ATE1: variants seen among roughly 807,000 people sequenced by gnomAD.
ATE1 encodes arginyl-tRNA--protein transferase 1.
ATE1 carries 36 observed loss-of-function variants against 70.5 expected under a neutral mutation model. The observed-to-expected ratio is 0.51, with a 90% CI of 0.39 to 0.67. The LOEUF (loss-of-function observed/expected upper bound fraction) is 0.67. Among genes scored for constraint, ATE1 ranks in the 30% least tolerant of loss-of-function variants. The pLI is 0.00. For synonymous variants in ATE1, 232 were observed against 219.3 expected, an observed-to-expected ratio of 1.06 and a Z score of -0.51; for missense variants, 593 against 629.5, an observed-to-expected ratio of 0.94 and a Z score of 0.62.
chr10:121,874,689 A>G (rs1949974740), intron 7 of ATE1, among the ~76,000 whole-genome samples: 1 of 152,212 alleles, frequency 6.6e-6, no homozygotes, highest in African/African-American at 2.4e-5. Context: ...CACCTTAGAC[A>G]TTAAGATTCA....
intron 11 of ATE1, among the ~76,000 whole-genome samples, chr10:121,766,356 G>A (rs992567095): frequency 3.9e-5 from 6 of 152,078 alleles, no homozygotes; most frequent in African/African-American, 1.4e-4. Context: ...TCCACTCCAG[G>A]AAGATGAGGG....
chr10:121,787,035 T>C (rs1470327300), intron 11 of ATE1, among the ~76,000 whole-genome samples: 1 of 152,196 alleles, frequency 6.6e-6, no homozygotes, highest in East Asian at 1.9e-4. Context: ...TTCTTTAGAA[T>C]TTTCCAAGTT....
intron 8 of ATE1, among the ~76,000 whole-genome samples, chr10:121,855,904 G>A (rs1388390072): frequency 6.6e-6 from 1 of 150,918 alleles, no homozygotes; most frequent in African/African-American, 2.4e-5. Flanking sequence ...GTGAAACCCT[G>A]GTCTCTACTA....
At chr10:121,845,184 T>G (rs1948770410) in intron 8 of ATE1, among the ~76,000 whole-genome samples, 1 of 152,104 alleles carries the variant, frequency 6.6e-6, no homozygotes, top group Non-Finnish European at 1.5e-5. Context: ...CTACACTATC[T>G]CCAAGGTATG....
At chr10:121,826,796 T>C (rs1948037099) in intron 10 of ATE1, among the ~76,000 whole-genome samples, 1 of 152,174 alleles carries the variant, frequency 6.6e-6, no homozygotes, top group Admixed American at 6.5e-5. Context: ...TAGTCCCCAA[T>C]GTCTACTGTT....
At chr10:121,909,804 T>C (rs1590701574) in intron 5 of ATE1, among the ~76,000 whole-genome samples, 1 of 152,164 alleles carries the variant, frequency 6.6e-6, no homozygotes, top group African/African-American at 2.4e-5. Flanking sequence ...CTCAGCACTT[T>C]GGGAGGCGAG....
chr10:121,898,414 A>G (rs1337784323), intron 7 of ATE1, among the ~76,000 whole-genome samples: 1 of 152,232 alleles, frequency 6.6e-6, no homozygotes, highest in African/African-American at 2.4e-5. Flanking sequence ...AGGCTAAGCT[A>G]TGATGTTCGG....
intron 7 of ATE1, among the ~76,000 whole-genome samples, chr10:121,894,937 G>A (rs1950721194): frequency 6.6e-6 from 1 of 151,954 alleles, no homozygotes; most frequent in African/African-American, 2.4e-5. Flanking sequence ...TGAGCAAAGG[G>A]TTAGAATACA....
At chr10:121,770,233 A>AACACACACACAC (rs3036837) in intron 11 of ATE1, among the ~76,000 whole-genome samples, 4,900 of 136,808 alleles carry the variant, frequency 0.036, 104 homozygotes, top group South Asian at 0.05. Flanking sequence ...ACAAGAGAGA[A>AACACACACACAC]ACACACACAC....
At chr10:121,887,137 G>C (rs1459616941) in intron 7 of ATE1, among the ~76,000 whole-genome samples, 3 of 152,056 alleles carry the variant, frequency 2.0e-5, no homozygotes, top group South Asian at 2.1e-4. Flanking sequence ...ACAACTTGCA[G>C]AGAGCAAGCT....
intron 11 of ATE1, among the ~76,000 whole-genome samples, chr10:121,762,371 C>A (rs577643595): frequency 7.9e-5 from 12 of 151,802 alleles, no homozygotes; most frequent in Non-Finnish European, 1.6e-4. Context: ...GATTCAATGA[C>A]CATGTTTAAG....
chr10:121,927,740 A>C, intron 1 of ATE1, 104 bp downstream of exon 1: 1 of 1,381,124 alleles, frequency 7.2e-7, no homozygotes, highest in South Asian at 1.6e-5. Context: ...CGGCCGTGGC[A>C]CTGGGGCCAG....
rs951306851 is a variant in ATE1, at chr10:121,777,050, A to G, written c.1378+13119T>C. Among the ~76,000 whole-genome samples the G allele has an allele frequency of 2.6e-5, 4 of 152,206 alleles. No individual in the cohort carries two copies. In the South Asian group the frequency reaches 8.3e-4, roughly 32 times the overall value. On this transcript the variant is annotated intron_variant, in intron 11 of 11. Transcript: ENST00000224652. ...TTAAGTAGTTTGATTCTCACAAAGG[A>G]ATCTTAAAGATTCAGAGGTCATAAA...
At chr10:121,917,385 T>A (rs1195061343) in intron 3 of ATE1, among the ~76,000 whole-genome samples, 1 of 152,108 alleles carries the variant, frequency 6.6e-6, no homozygotes, top group Non-Finnish European at 1.5e-5. Flanking sequence ...ACAAAAAAGA[T>A]AATTAGTAAC....
intron 10 of ATE1, among the ~76,000 whole-genome samples, chr10:121,821,907 T>A (rs1947814391): frequency 6.6e-6 from 1 of 152,018 alleles, no homozygotes; most frequent in Non-Finnish European, 1.5e-5. Context: ...TACACACCCA[T>A]CAGGAAGTGA....
chr10:121,916,344 T>C (rs1951657901), intron 3 of ATE1, among the ~76,000 whole-genome samples: 2 of 152,150 alleles, frequency 1.3e-5, no homozygotes, highest in African/African-American at 2.4e-5. Context: ...AATACGATAG[T>C]GGAACAAAAT....
chr10:121,744,017 A>C (rs1040782159), intron 11 of ATE1, among the ~76,000 whole-genome samples, 159 bp from the exon 12 acceptor site: 1 of 145,546 alleles, frequency 6.9e-6, no homozygotes, highest in Non-Finnish European at 1.5e-5. Context: ...CCACCTCTCA[A>C]GTTAATGCGA....
chr10:121,873,266 T>C (rs996535258), intron 7 of ATE1, among the ~76,000 whole-genome samples: 3 of 152,132 alleles, frequency 2.0e-5, no homozygotes, highest in Admixed American at 1.3e-4. Context: ...AACTGAAGAA[T>C]TATGGTCTAT....
intron 2 of ATE1, 58 bp downstream of exon 2, chr10:121,924,208 T>C: frequency 2.7e-6 from 4 of 1,504,116 alleles, no homozygotes; most frequent in Non-Finnish European, 3.7e-6. Flanking sequence ...AAAGGCATGC[T>C]GTATTTTTCA....
Sources: gnomAD v4.1 joint callset for allele counts (sites outside exome capture counted in the v4.1 genomes callset) on GRCh38, gnomAD v4.1.1 for gene constraint, MANE v1.5 for transcripts, NCBI Gene and HGNC (gene_info 2026-07-23, HGNC 2026-07-21) for gene names.